MSRA: variants seen among roughly 807,000 people sequenced by gnomAD.
The protein encoded by MSRA is mitochondrial peptide methionine sulfoxide reductase.
MSRA carries 54 observed loss-of-function variants against 31.3 expected under a neutral mutation model. The ratio of observed to expected loss-of-function variants is 1.73; its 90% CI spans 1.39 to 2.17. MSRA has a LOEUF of 2.17. Among genes scored for constraint, MSRA ranks in the 30% most tolerant of loss-of-function variants. The probability of loss-of-function intolerance (pLI) is 0.00; values close to 1 mark genes in which losing one functional copy is unlikely to be tolerated. For synonymous variants in MSRA, 169 were observed against 116.5 expected (o/e 1.45, Z -2.90); for missense variants, 507 against 300.9 (o/e 1.69, Z -5.07).
chr8:10,162,874 C>T (rs1000512607), intron 1 of MSRA, among the ~76,000 whole-genome samples: 8 of 152,160 alleles, frequency 5.3e-5, no homozygotes, highest in Admixed American at 2.0e-4. Context: ...GCCTCAGCCA[C>T]GACAGTCGTG....
In MSRA at chr8:10,275,551, A is replaced by G. The variant is rs181694719; in HGVS notation, c.332-25983A>G. Among the ~76,000 whole-genome samples the G allele has an allele frequency of 2.3e-4, 35 of 152,332 alleles. No homozygotes were observed. In the East Asian group the frequency reaches 5.2e-3, roughly 23 times the overall value. On this transcript the variant is annotated intron_variant, in intron 3 of 5. Transcript: ENST00000317173. ...GGTGAAATAAGTAGCAAAGAGTCCA[A>G]TTCTCTTTCTCAGGTTCTGCTTGAA...
chr8:10,128,386 A>G (rs1293938073), intron 1 of MSRA, among the ~76,000 whole-genome samples: 4 of 152,174 alleles, frequency 2.6e-5, no homozygotes, highest in Non-Finnish European at 1.5e-5. Flanking sequence ...GTCTCAAAAA[A>G]AAAAAAAATT....
intron 2 of MSRA, among the ~76,000 whole-genome samples, chr8:10,213,955 A>G (rs1273865249): frequency 2.6e-5 from 4 of 152,054 alleles, no homozygotes; most frequent in Non-Finnish European, 5.9e-5. Context: ...ATGTTGATAA[A>G]TTGATACCAA....
chr8:10,261,671 G>A (rs1192566719), intron 3 of MSRA, among the ~76,000 whole-genome samples: 3 of 152,142 alleles, frequency 2.0e-5, no homozygotes, highest in African/African-American at 7.2e-5. Context: ...ACATCTTAGT[G>A]TAGTACATTT....
chr8:10,365,889 G>A (rs983473559), intron 5 of MSRA, among the ~76,000 whole-genome samples: 2 of 152,206 alleles, frequency 1.3e-5, no homozygotes, highest in East Asian at 1.9e-4. Flanking sequence ...CAGGCATCTC[G>A]TTCTGCTCTC....
chr8:10,420,287 C>T (rs1053307286), intron 5 of MSRA, among the ~76,000 whole-genome samples: 2 of 151,056 alleles, frequency 1.3e-5, no homozygotes, highest in African/African-American at 4.9e-5. Context: ...AGTAGGGGAA[C>T]AGGGAAGTTT....
intron 4 of MSRA, among the ~76,000 whole-genome samples, chr8:10,319,610 A>G (rs770279378): frequency 5.3e-5 from 8 of 151,724 alleles, no homozygotes; most frequent in Non-Finnish European, 7.4e-5. Context: ...AAAAGTATGT[A>G]TTCATAGAAC....
intron 1 of MSRA, among the ~76,000 whole-genome samples, chr8:10,159,223 A>G (rs1266829939): frequency 6.6e-6 from 1 of 152,222 alleles, no homozygotes; most frequent in African/African-American, 2.4e-5. Flanking sequence ...GGAGCGCTGA[A>G]ACTGCATTTC....
intron 1 of MSRA, among the ~76,000 whole-genome samples, chr8:10,198,972 C>T (rs1808242544): frequency 6.6e-6 from 1 of 152,198 alleles, no homozygotes; most frequent in Non-Finnish European, 1.5e-5. Flanking sequence ...ATTGTTTTCG[C>T]AAGTTTGCCA....
At chr8:10,244,059 A>G (rs1293605600) in intron 2 of MSRA, among the ~76,000 whole-genome samples, 1 of 152,154 alleles carries the variant, frequency 6.6e-6, no homozygotes, top group Non-Finnish European at 1.5e-5. Context: ...TAAACTTCTA[A>G]TTTATCTTTC....
chr8:10,265,936 C>G lies in MSRA; in HGVS notation c.331+20713C>G, dbSNP rs139339531. Among the ~76,000 whole-genome samples, 502 of 152,314 alleles carry G rather than the reference C, an allele frequency of 3.3e-3. 3 individuals carry two copies. The highest frequency in any genetic ancestry group is 0.012 in the African/African-American group (479 of 41,568). ...CATCCATGTTCTCGGATCAGCAGTT[C>G]ACTCCTTTTTCCTGCTGAATGATAT... is the stretch of plus-strand genomic sequence containing the variant. On this transcript the variant is annotated intron_variant, in intron 3 of 5. Coordinates refer to ENST00000317173, the MANE Select transcript of MSRA (RefSeq NM_012331.5).
intron 2 of MSRA, among the ~76,000 whole-genome samples, chr8:10,238,614 C>T (rs1231426629): frequency 6.6e-6 from 1 of 152,090 alleles, no homozygotes; most frequent in Non-Finnish European, 1.5e-5. Flanking sequence ...AACGGGACTA[C>T]TTACAACGAT....
At chr8:10,413,204 T>C (rs951462874) in intron 5 of MSRA, among the ~76,000 whole-genome samples, 2 of 152,164 alleles carry the variant, frequency 1.3e-5, no homozygotes, top group Non-Finnish European at 2.9e-5. Flanking sequence ...TGGAGAACCG[T>C]GGGGTCCCTG....
intron 1 of MSRA, among the ~76,000 whole-genome samples, chr8:10,128,239 C>G (rs902015483): frequency 6.6e-6 from 1 of 151,908 alleles, no homozygotes; most frequent in Non-Finnish European, 1.5e-5. Flanking sequence ...ATTAGCCAGG[C>G]GTGGTGGTGG....
chr8:10,255,638 A>G (rs1007019168), intron 3 of MSRA, among the ~76,000 whole-genome samples: 1 of 151,562 alleles, frequency 6.6e-6, no homozygotes, highest in Non-Finnish European at 1.5e-5. Context: ...ATAATCTGTC[A>G]CCTTGTTTAA....
chr8:10,209,349 T>C (rs532287988), intron 2 of MSRA, among the ~76,000 whole-genome samples: 10 of 152,352 alleles, frequency 6.6e-5, no homozygotes, highest in African/African-American at 2.2e-4. Flanking sequence ...TTATGTCATA[T>C]TGGGAAATAG....
intron 5 of MSRA, among the ~76,000 whole-genome samples, chr8:10,358,095 G>GTATTAT (rs1804615470): frequency 6.6e-6 from 1 of 152,042 alleles, no homozygotes. Flanking sequence ...GCTAATTTTT[G>GTATTAT]TATTATTATC....
chr8:10,290,914 G>C (rs1181014951), intron 3 of MSRA, among the ~76,000 whole-genome samples: 2 of 152,188 alleles, frequency 1.3e-5, no homozygotes, highest in Non-Finnish European at 2.9e-5. Flanking sequence ...TTTCGCAGCA[G>C]AGTGGGAGTT....
chr8:10,412,097 C>T (rs748024978), intron 5 of MSRA, among the ~76,000 whole-genome samples: 4 of 152,116 alleles, frequency 2.6e-5, no homozygotes, highest in African/African-American at 7.2e-5. Flanking sequence ...AGGCAAGGGC[C>T]GTATTAACAT....
Sources: allele counts gnomAD v4.1 joint callset (sites outside exome capture counted in the v4.1 genomes callset), GRCh38; gene constraint gnomAD v4.1.1; transcripts MANE v1.5; gene names NCBI Gene and HGNC (gene_info 2026-07-23, HGNC 2026-07-21).